The following OCA2 variants were observed in gnomAD, a reference collection of about 807,000 sequenced individuals.
The protein encoded by OCA2 is OCA2 melanosomal transmembrane protein.
A neutral mutation model predicts 100.2 loss-of-function variants in OCA2; 77 were observed. The ratio of observed to expected loss-of-function variants is 0.77; its 90% CI spans 0.64 to 0.93. The LOEUF (loss-of-function observed/expected upper bound fraction) is 0.93, where lower values mean the gene tolerates loss of function less well. Among genes scored for constraint, OCA2 ranks in the 40% least tolerant of loss-of-function variants. The probability of loss-of-function intolerance (pLI) is 0.00; values close to 1 mark genes in which losing one functional copy is unlikely to be tolerated. For synonymous variants in OCA2, 432 were observed against 439.2 expected (o/e 0.98, Z 0.21); for missense variants, 1,062 against 1,089.1 (o/e 0.98, Z 0.35).
intron 14 of OCA2, among the ~76,000 whole-genome samples, chr15:27,967,610 A>G (rs944730795): frequency 1.3e-5 from 2 of 152,246 alleles, no homozygotes; most frequent in Non-Finnish European, 2.9e-5. Context: ...TCGTGGCTGG[A>G]GAGCACAGCC....
intron 19 of OCA2, chr15:27,896,148 A>C: frequency 1.0e-6 from 1 of 978,340 alleles, no homozygotes; most frequent in Non-Finnish European, 1.6e-6. Flanking sequence ...CCTTGCCAGA[A>C]CTACCAGTGG....
intron 2 of OCA2, among the ~76,000 whole-genome samples, chr15:28,048,283 A>G (rs2043402493): frequency 6.6e-6 from 1 of 152,216 alleles, no homozygotes; most frequent in Non-Finnish European, 1.5e-5. Flanking sequence ...GGGGCTCTGA[A>G]CAGCCAAAAC....
At chr15:27,861,386 C>T (rs1432285017) in intron 21 of OCA2, among the ~76,000 whole-genome samples, 4 of 152,014 alleles carry the variant, frequency 2.6e-5, no homozygotes, top group Non-Finnish European at 4.4e-5. Flanking sequence ...CGGGGCTAGG[C>T]TCTGGGGAGC....
chr15:27,772,166 C>T (rs1018848804), intron 23 of OCA2, among the ~76,000 whole-genome samples: 1 of 152,198 alleles, frequency 6.6e-6, no homozygotes, highest in Non-Finnish European at 1.5e-5. Flanking sequence ...AACTAGCCAA[C>T]CTCTCTGGGC....
intron 22 of OCA2, among the ~76,000 whole-genome samples, chr15:27,847,863 C>T (rs1291616322): frequency 2.0e-5 from 3 of 152,196 alleles, no homozygotes; most frequent in Non-Finnish European, 1.5e-5. Context: ...CTCCTGGGGA[C>T]AGGCAGTCCC....
At chr15:28,063,715 C>A (rs2043943800) in intron 2 of OCA2, among the ~76,000 whole-genome samples, 1 of 152,108 alleles carries the variant, frequency 6.6e-6, no homozygotes, top group Admixed American at 6.5e-5. Flanking sequence ...CCTGTTTGTT[C>A]TATTGCTGAC....
In OCA2 at chr15:28,098,040, T is replaced by C. The variant is rs1410380111; in HGVS notation, c.-22+1184A>G. Among the ~76,000 whole-genome samples the C allele has an allele frequency of 2.6e-5, 4 of 152,140 alleles. No individual in the cohort carries two copies. In the South Asian group the frequency reaches 6.2e-4, roughly 24 times the overall value. On this transcript the variant is annotated intron_variant, in intron 1 of 23. Transcript: ENST00000354638. ...ACAGCCAGGACCTCCCCATTCCTGGTATTCCTGATATCCTCAGATCTCAGC... is the reference window on the plus strand; with the variant it reads ...ACAGCCAGGACCTCCCCATTCCTGGCATTCCTGATATCCTCAGATCTCAGC...
At chr15:27,833,901 C>T (rs901159763) in intron 23 of OCA2, among the ~76,000 whole-genome samples, 6 of 152,186 alleles carry the variant, frequency 3.9e-5, no homozygotes, top group Non-Finnish European at 1.5e-5. Flanking sequence ...CATCAAGCAA[C>T]GCAGGCACCT....
At chr15:27,879,868 C>A (rs7402740) in intron 19 of OCA2, among the ~76,000 whole-genome samples, 64,400 of 151,876 alleles carry the variant, frequency 0.42, 15,562 homozygotes, top group African/African-American at 0.64. Flanking sequence ...AGATCCCATT[C>A]GTCAATTTTT....
chr15:27,993,344 G>C (rs368284259), intron 9 of OCA2, among the ~76,000 whole-genome samples: 5 of 152,074 alleles, frequency 3.3e-5, no homozygotes, highest in Admixed American at 1.3e-4. Flanking sequence ...CTGAATAATT[G>C]TCCCCGTGTC....
intron 6 of OCA2, among the ~76,000 whole-genome samples, chr15:28,020,817 T>G (rs149250188): frequency 8.3e-4 from 126 of 152,294 alleles, no homozygotes; most frequent in Middle Eastern, 3.4e-3. Context: ...CTCCATCCAC[T>G]GAGCAGAGGG....
intron 18 of OCA2, among the ~76,000 whole-genome samples, chr15:27,949,285 T>C (rs1467051768): frequency 1.3e-5 from 2 of 152,242 alleles, no homozygotes; most frequent in African/African-American, 4.8e-5. Flanking sequence ...CGTTACATGA[T>C]GTACATCGTG....
chr15:28,076,586 A>G (rs930963646), intron 2 of OCA2, among the ~76,000 whole-genome samples: 2 of 151,766 alleles, frequency 1.3e-5, no homozygotes, highest in Non-Finnish European at 2.9e-5. Flanking sequence ...GGTGGCTCAC[A>G]CCTGTAATCC....
At chr15:27,864,070 C>T (rs2036233592) in intron 21 of OCA2, among the ~76,000 whole-genome samples, 2 of 152,216 alleles carry the variant, frequency 1.3e-5, no homozygotes, top group East Asian at 3.9e-4. Flanking sequence ...GCCGGCAGTG[C>T]CCCTCTGAGG....
chr15:28,066,891 A>G (rs1020020158), intron 2 of OCA2, among the ~76,000 whole-genome samples: 32 of 152,234 alleles, frequency 2.1e-4, no homozygotes, highest in African/African-American at 7.5e-4. Context: ...GCTTTAGATA[A>G]TAACTTAATT....
At chr15:27,917,761 G>T (rs1412166173) in intron 19 of OCA2, among the ~76,000 whole-genome samples, 4 of 152,262 alleles carry the variant, frequency 2.6e-5, no homozygotes, top group African/African-American at 9.6e-5. Flanking sequence ...AAAGCATCCA[G>T]GCCTTAAAAT....
intron 2 of OCA2, among the ~76,000 whole-genome samples, chr15:28,075,869 C>CAAGT (rs1464295209): frequency 6.6e-6 from 1 of 152,190 alleles, no homozygotes; most frequent in Middle Eastern, 3.2e-3. Flanking sequence ...TGATGGTTAA[C>CAAGT]AAGTGCTGAC....
intron 23 of OCA2, among the ~76,000 whole-genome samples, chr15:27,773,851 C>T (rs1427315771): frequency 2.0e-5 from 3 of 152,130 alleles, no homozygotes; most frequent in Non-Finnish European, 4.4e-5. Flanking sequence ...GTTGGAAGTC[C>T]TCTTAATTTT....
At chr15:27,744,002 T>G in the OCA2 span, among the ~76,000 whole-genome samples, 1 of 152,096 alleles carries the variant, frequency 6.6e-6, no homozygotes, top group Non-Finnish European at 1.5e-5. Flanking sequence ...TCTCACTGAT[T>G]TTCTACACTG....
Sources: gnomAD v4.1 joint callset for allele counts (sites outside exome capture counted in the v4.1 genomes callset) on GRCh38, gnomAD v4.1.1 for gene constraint, MANE v1.5 for transcripts, NCBI Gene and HGNC (gene_info 2026-07-23, HGNC 2026-07-21) for gene names.